IL1RAPL1: variants seen among roughly 807,000 people sequenced by gnomAD.
The protein encoded by IL1RAPL1 is interleukin 1 receptor accessory protein like 1, also known as interleukin-1 receptor accessory protein-like 1.
IL1RAPL1 carries 3 observed loss-of-function variants against 48.4 expected under a neutral mutation model. The observed-to-expected ratio is 0.06, with a 90% confidence interval of 0.03 to 0.16. The LOEUF (loss-of-function observed/expected upper bound fraction) is 0.16. Ranked by LOEUF, IL1RAPL1 falls within the 10% of genes least tolerant of loss-of-function variation. The pLI is 1.00. For synonymous variants in IL1RAPL1, 185 were observed against 187.7 expected (o/e 0.99, Z 0.12); for missense variants, 349 against 530.6 (o/e 0.66, Z 3.36).
chrX:28,635,067 G>T (rs777432961), intron 1 of IL1RAPL1, among the ~76,000 whole-genome samples: 23 of 111,924 alleles, frequency 2.1e-4, no homozygotes, highest in Non-Finnish European at 3.6e-4. Flanking sequence ...AAAGATTTGA[G>T]TTCTCTAAGA....
intron 2 of IL1RAPL1, among the ~76,000 whole-genome samples, chrX:29,278,855 T>G (rs1351116029): frequency 8.9e-6 from 1 of 112,179 alleles, no homozygotes; most frequent in East Asian, 2.8e-4. Flanking sequence ...TTGAAAAGTC[T>G]CACTACACAA....
intron 6 of IL1RAPL1, among the ~76,000 whole-genome samples, chrX:29,901,666 G>GA (rs1342763115): frequency 8.9e-6 from 1 of 112,016 alleles, no homozygotes; most frequent in Non-Finnish European, 1.9e-5. Context: ...AATGAGCACA[G>GA]ATGTATGCTT....
intron 5 of IL1RAPL1, among the ~76,000 whole-genome samples, chrX:29,495,532 G>C (rs1394032368): frequency 2.7e-5 from 3 of 111,218 alleles, no homozygotes; most frequent in Admixed American, 9.6e-5. Flanking sequence ...CCCAGCTGAA[G>C]TTGCTGTTCA....
At chrX:29,161,831 A>G (rs1319921505) in intron 2 of IL1RAPL1, among the ~76,000 whole-genome samples, 2 of 112,123 alleles carry the variant, frequency 1.8e-5, no homozygotes, top group Non-Finnish European at 3.8e-5. Context: ...CAGAAATACC[A>G]TTTGACACAG....
intron 2 of IL1RAPL1, among the ~76,000 whole-genome samples, chrX:29,110,630 C>T (rs1928543865): frequency 8.9e-6 from 1 of 111,806 alleles, no homozygotes; most frequent in Admixed American, 9.5e-5. Flanking sequence ...GCTGAGCTGA[C>T]TTGGAGCTTC....
At chrX:29,320,771 A>G (rs1932798619) in intron 3 of IL1RAPL1, among the ~76,000 whole-genome samples, 1 of 111,086 alleles carries the variant, frequency 9.0e-6, no homozygotes, top group Non-Finnish European at 1.9e-5. Flanking sequence ...ATCTCAAAAA[A>G]AAAAGGAATG....
At chrX:29,917,856 C>T (rs1265104036) in intron 7 of IL1RAPL1, among the ~76,000 whole-genome samples, 3 of 108,501 alleles carry the variant, frequency 2.8e-5, no homozygotes, top group Non-Finnish European at 3.8e-5. Context: ...GGGGTGGTGG[C>T]TCTCGCCTGT....
chrX:29,435,102 G>A (rs1934468136), intron 5 of IL1RAPL1, among the ~76,000 whole-genome samples: 1 of 110,990 alleles, frequency 9.0e-6, no homozygotes, highest in Non-Finnish European at 1.9e-5. Flanking sequence ...TATTTTTAAG[G>A]TTCATACGTA....
At chrX:29,735,199 C>A (rs755188869) in intron 6 of IL1RAPL1, among the ~76,000 whole-genome samples, 1 of 111,460 alleles carries the variant, frequency 9.0e-6, no homozygotes, top group East Asian at 2.8e-4. Flanking sequence ...AGGCTGCCTA[C>A]ATTCCTTGGC....
intron 2 of IL1RAPL1, among the ~76,000 whole-genome samples, chrX:29,251,513 C>T (rs1170953321): frequency 9.0e-6 from 1 of 111,247 alleles, no homozygotes; most frequent in Non-Finnish European, 1.9e-5. Context: ...GTATTCACAT[C>T]CATATACATC....
chrX:29,613,965 A>G (rs776327491), intron 5 of IL1RAPL1, among the ~76,000 whole-genome samples: 91 of 108,665 alleles, frequency 8.4e-4, no homozygotes, highest in African/African-American at 2.9e-3. Context: ...GGGTTTCACC[A>G]TGTTAGCCAG....
At position 29,486,612 on chromosome X, in the gene IL1RAPL1, C is replaced by CAA. The variant is rs768358495; in HGVS notation, c.703+87328_703+87329dup. On this transcript the variant is annotated intron_variant, in intron 5 of 10. Coordinates refer to ENST00000378993, the MANE Select transcript of IL1RAPL1 (RefSeq NM_014271.4). ...CACTTGAGAATTCTCAAGTGCTATACAAAAAAAAAAAAAAAAAAAAAAAAA... is the reference window on the plus strand; with the variant it reads ...CACTTGAGAATTCTCAAGTGCTATACAAAAAAAAAAAAAAAAAAAAAAAAAAA... Among the ~76,000 whole-genome samples the CAA allele has an allele frequency of 5.1e-3, 208 of 40,885 alleles. 7 individuals carry two copies. The highest frequency in any genetic ancestry group is 0.015 in the African/African-American group (153 of 10,249). 35.5% of individuals were successfully genotyped at this position (40,885 alleles called of 115,157 possible).
chrX:29,752,052 A>G (rs1263043110), intron 6 of IL1RAPL1, among the ~76,000 whole-genome samples: 2 of 97,109 alleles, frequency 2.1e-5, no homozygotes, highest in Non-Finnish European at 4.0e-5. Flanking sequence ...TCTATTTTAT[A>G]TATATATATG....
chrX:29,299,074 G>T (rs1932493946), intron 3 of IL1RAPL1, among the ~76,000 whole-genome samples: 2 of 108,682 alleles, frequency 1.8e-5, no homozygotes, highest in South Asian at 8.1e-4. Context: ...AAAAAAACAC[G>T]TGAAAGGACT....
rs780097662 is a variant in IL1RAPL1, at chrX:28,913,705, A to G, written c.82+124280A>G. Reference sequence around the variant, plus strand: ...GACGCTGTTTCTAAAAATAAAATAAAATAAAATAAACTTAGGGAATTAGAT... The same window carrying G: ...GACGCTGTTTCTAAAAATAAAATAAGATAAAATAAACTTAGGGAATTAGAT... On this transcript the variant is annotated intron_variant, in intron 2 of 10. Coordinates refer to ENST00000378993, the MANE Select transcript of IL1RAPL1 (RefSeq NM_014271.4). Among the ~76,000 whole-genome samples the G allele has an allele frequency of 7.2e-5, 8 of 111,226 alleles. 1 individual carries two copies. In the South Asian group the frequency reaches 2.3e-3, roughly 32 times the overall value.
chrX:29,707,441 C>G (rs1285252893), intron 6 of IL1RAPL1, among the ~76,000 whole-genome samples: 1 of 110,890 alleles, frequency 9.0e-6, no homozygotes, highest in Non-Finnish European at 1.9e-5. Flanking sequence ...AGGTATGTAC[C>G]CAGAGGAAAA....
At chrX:28,812,686 A>T (rs1198320950) in intron 2 of IL1RAPL1, among the ~76,000 whole-genome samples, 1 of 111,550 alleles carries the variant, frequency 9.0e-6, no homozygotes, top group Non-Finnish European at 1.9e-5. Context: ...TAATAGAAGT[A>T]TATTCATAAG....
intron 2 of IL1RAPL1, among the ~76,000 whole-genome samples, chrX:29,160,832 T>A (rs1929668039): frequency 8.9e-6 from 1 of 112,137 alleles, no homozygotes; most frequent in South Asian, 3.7e-4. Context: ...GGCGGGTAGA[T>A]CGCCTGAGGT....
At chrX:29,906,152 C>A (rs1157959308) in intron 6 of IL1RAPL1, among the ~76,000 whole-genome samples, 1 of 107,494 alleles carries the variant, frequency 9.3e-6, no homozygotes, top group East Asian at 3.0e-4. Flanking sequence ...CTGGCTAACA[C>A]GGTGAAACCC....
Sources: allele counts gnomAD v4.1 joint callset (sites outside exome capture counted in the v4.1 genomes callset), GRCh38; gene constraint gnomAD v4.1.1; transcripts MANE v1.5; gene names NCBI Gene and HGNC (gene_info 2026-07-23, HGNC 2026-07-21).